SPC24: variants seen among roughly 807,000 people sequenced by gnomAD.
The protein encoded by SPC24 is SPC24 component of NDC80 kinetochore complex, also known as kinetochore protein Spc24.
A neutral mutation model predicts 27.6 loss-of-function variants in SPC24; 31 were observed. The observed-to-expected ratio is 1.12, with a 90% CI of 0.84 to 1.52. The LOEUF (loss-of-function observed/expected upper bound fraction) is 1.52. SPC24 is among the 40% of genes most tolerant of loss of function. The pLI, the probability that SPC24 is intolerant of heterozygous loss-of-function variation, is 0.00. For missense variants in SPC24, 284 were observed against 252.5 expected, an observed-to-expected ratio of 1.12 and a Z score of -0.84; for synonymous variants, 105 against 105.8, an observed-to-expected ratio of 0.99 and a Z score of 0.05.
At chr19:11,150,001 C>T (rs1478912965) in intron 1 of SPC24, among the ~76,000 whole-genome samples, 2 of 151,580 alleles carry the variant, frequency 1.3e-5, no homozygotes, top group African/African-American at 2.4e-5. Context: ...TGAGCCACTG[C>T]GCACGGCAAC....
chr19:11,155,556 G>A (rs2077904312), intron 1 of SPC24, 61 bp downstream of exon 1: 16 of 1,493,650 alleles, frequency 1.1e-5, no homozygotes, highest in Admixed American at 6.6e-5. Flanking sequence ...GGGCCTGGTC[G>A]CCCCCTCCCA....
At chr19:11,148,210 G>A in intron 2 of SPC24, 93 bp from the exon 3 acceptor site, 4 of 778,744 alleles carry the variant, frequency 5.1e-6, no homozygotes, top group Admixed American at 2.4e-5. Flanking sequence ...CTCTATTTAC[G>A]CACACTCTCT....
rs1286021366 is a variant in SPC24, at chr19:11,146,643, T to C, written c.*540A>G. On this transcript the variant is annotated 3_prime_UTR_variant, in exon 5 of 5. Coordinates refer to ENST00000592540, the MANE Select transcript of SPC24 (RefSeq NM_182513.4). ...AGCTGCGCATGGTGGCAGGTGCCTG[T>C]AGTCCCAGCTACTCAGGAGGCTGAG... The C allele has an allele frequency of 6.6e-6, 1 of 151,120 alleles. No homozygotes were observed. The highest frequency in any genetic ancestry group is 2.0e-4 in the East Asian group (1 of 5,098). The allele number at this position is 151,120 out of a possible 1,614,324, so 9.4% of individuals were successfully genotyped here. A position where few individuals can be genotyped will look rare whatever the true frequency, so the allele number is the denominator to read the frequency against.
intron 1 of SPC24, among the ~76,000 whole-genome samples, chr19:11,150,142 G>C (rs1313612015): frequency 1.4e-5 from 2 of 143,430 alleles, no homozygotes; most frequent in African/African-American, 5.3e-5. Flanking sequence ...AGCCGAGATC[G>C]TGCCACTGCA....
intron 2 of SPC24, among the ~76,000 whole-genome samples, chr19:11,148,587 C>T (rs2077847340): frequency 1.3e-5 from 2 of 151,736 alleles, no homozygotes; most frequent in Admixed American, 1.3e-4. Context: ...ACCAAGTAAT[C>T]CTCCCACCTC....
rs371645831 is a variant in SPC24, at chr19:11,148,095, C to A, written c.328G>T (p.Glu110Ter). The change falls in exon 3 of 5, where the codon GAG becomes TAG. Residue 110 changes from glutamate to a stop codon, truncating the protein, a stop_gained. Coordinates refer to ENST00000592540, the MANE Select transcript of SPC24 (RefSeq NM_182513.4). LOFTEE classifies it high-confidence loss of function. ...AGATCCGCCTCAATCTCCTTGAGCT[C>A]TTCCAGCTCTCTGGTGAGCTGAGTA... is the stretch of plus-strand genomic sequence containing the variant. ...SLLQLTRELEELKEIEADLER... is the reference protein window; with the variant it reads ...SLLQLTRELE The A allele has an allele frequency of 2.5e-6, 4 of 1,613,660 alleles. No homozygotes were observed. Among genetic ancestry groups the A allele is most frequent in the Non-Finnish European group, 3.4e-6 (4 of 1,179,828 alleles).
At chr19:11,148,257 G>C in intron 2 of SPC24, 140 bp from the exon 3 acceptor site, 1 of 630,362 alleles carries the variant, frequency 1.6e-6, no homozygotes, top group Non-Finnish European at 2.8e-6. Context: ...ACCCAGGCTG[G>C]AGTGCAGTGG....
chr19:11,147,714 G>T, intron 4 of SPC24, 104 bp downstream of exon 4: 1 of 1,039,984 alleles, frequency 9.6e-7, no homozygotes, highest in Non-Finnish European at 1.4e-6. Context: ...GACAACAGAT[G>T]CACGCCACCA....
At position 11,147,243 on chromosome 19, in the gene SPC24, G is replaced by C; in HGVS notation, c.534C>G (p.Thr178=). ...CGCTGATGAATTTCCTGGAGAGCTGGGTGCTGTCCAGGTGGATGGGCTGGG... is the reference window on the plus strand; with the variant it reads ...CGCTGATGAATTTCCTGGAGAGCTGCGTGCTGTCCAGGTGGATGGGCTGGG... ...SVAQPIHLDS[T]QLSRKFISDY... Residue 178 remains threonine (T), a synonymous_variant, in exon 5 of 5, where the codon ACC becomes ACG. Coordinates refer to ENST00000592540, the MANE Select transcript of SPC24 (RefSeq NM_182513.4). 6.4e-7 allele frequency: 1 copy of C among 1,566,732 alleles called. No homozygotes were observed.
chr19:11,148,014 C>A lies in SPC24; in HGVS notation c.409G>T (p.Val137Leu), dbSNP rs199831107. The A allele has an allele frequency of 3.7e-6, 6 of 1,613,354 alleles. No homozygotes were observed. The highest frequency in any genetic ancestry group is 5.1e-6 in the Non-Finnish European group (6 of 1,179,570). ...GGCACACGTTTTGGCAGAACCTACA[C>A]GGCCGAGGGGATTGTGACTGTCGTG... ...EDTTVTIPSA[V>L]YVAQLYHQVS... Residue 137 changes from valine to leucine, a missense_variant and splice_region_variant, in exon 3 of 5, where the codon GTG becomes TTG. Physicochemically the swap from Val to Leu is conservative, Grantham distance 32. Coordinates refer to ENST00000592540, the MANE Select transcript of SPC24 (RefSeq NM_182513.4).
rs1473786312 is a variant in SPC24 at position 11,148,039 on chromosome 19, G to A, written c.384C>T (p.Asp128=). The change falls in exon 3 of 5, where the codon GAC becomes GAT. Residue 128 remains aspartate, a synonymous_variant. Coordinates refer to ENST00000592540, the MANE Select transcript of SPC24 (RefSeq NM_182513.4). ...LERQEKEVDE[D]TTVTIPSAVY... ...CGGCCGAGGGGATTGTGACTGTCGT[G>A]TCCTCGTCGACCTCCTTCTCCTGTC... 3 of 1,613,652 alleles carry A rather than the reference G, an allele frequency of 1.9e-6. No homozygotes were observed. Among genetic ancestry groups the A allele is most frequent in the Non-Finnish European group, 2.5e-6 (3 of 1,179,824 alleles).
chr19:11,151,976 A>G (rs1364897093), intron 1 of SPC24, among the ~76,000 whole-genome samples: 3 of 150,690 alleles, frequency 2.0e-5, no homozygotes, highest in African/African-American at 7.3e-5. Context: ...GCTGGAGTGC[A>G]GTGGCATGAT....
chr19:11,155,684 C>A lies in SPC24; in HGVS notation c.93G>T (p.Leu31=). The part of the protein sequence containing the change: ...NRAEAQQRRL[L]GRHEQVVERL... Reference sequence around the variant, plus strand: ...GCTCCACCACCTGCTCGTGGCGCCCCAGCAGCCGTCGCTGCTGCGCCTCCG... The same window carrying A: ...GCTCCACCACCTGCTCGTGGCGCCCAAGCAGCCGTCGCTGCTGCGCCTCCG... Residue 31 remains leucine, a synonymous_variant, in exon 1 of 5, where the codon CTG becomes CTT. Transcript: ENST00000592540. 6.4e-7 allele frequency: 1 copy of A among 1,561,980 alleles called. No homozygotes were observed. The highest frequency in any genetic ancestry group is 8.6e-7 in the Non-Finnish European group (1 of 1,161,394).
rs114186483 is a variant in SPC24 at position 11,154,131 on chromosome 19, G to A, written c.160+1486C>T. 5.1e-3 allele frequency among the ~76,000 whole-genome samples: 782 copies of A among 152,188 alleles called. 9 individuals are homozygous for A. Among genetic ancestry groups the A allele is most frequent in the African/African-American group, 0.018 (747 of 41,520 alleles). ...TTTGGGCACCCGTGTTCATAGCAGC[G>A]TTATTCAACACAGCCAAAAGGTGGA... On this transcript the variant is annotated intron_variant, in intron 1 of 4. Coordinates refer to ENST00000592540, the MANE Select transcript of SPC24 (RefSeq NM_182513.4).
At chr19:11,148,852 G>A (rs62129138) in intron 2 of SPC24, among the ~76,000 whole-genome samples, 25,503 of 150,534 alleles carry the variant, frequency 0.17, 2,267 homozygotes, top group East Asian at 0.38. Flanking sequence ...TCCTGACCTC[G>A]TGATCCACCT....
chr19:11,149,523 G>A (rs1403348324), intron 1 of SPC24, among the ~76,000 whole-genome samples: 2 of 152,064 alleles, frequency 1.3e-5, no homozygotes, highest in African/African-American at 2.4e-5. Flanking sequence ...CCTGAGGCGG[G>A]AGGATCGCTT....
chr19:11,153,264 T>C (rs1450818037), intron 1 of SPC24, among the ~76,000 whole-genome samples: 1 of 147,620 alleles, frequency 6.8e-6, no homozygotes, highest in African/African-American at 2.5e-5. Flanking sequence ...GCTAACACGG[T>C]GAAACTCTGT....
chr19:11,151,673 G>T (rs575527202), intron 1 of SPC24, among the ~76,000 whole-genome samples: 2 of 152,082 alleles, frequency 1.3e-5, no homozygotes, highest in South Asian at 2.1e-4. Flanking sequence ...GCAATGGCAC[G>T]GTCTCAGCTC....
intron 4 of SPC24, chr19:11,147,557 G>A: frequency 3.5e-6 from 2 of 566,074 alleles, no homozygotes; most frequent in Non-Finnish European, 3.1e-6. Context: ...GCCTCCCAAA[G>A]TGCTGGGATT....
Sources: allele counts gnomAD v4.1 joint callset (sites outside exome capture counted in the v4.1 genomes callset), GRCh38; gene constraint gnomAD v4.1.1; transcripts MANE v1.5; gene names NCBI Gene and HGNC (gene_info 2026-07-23, HGNC 2026-07-21).